The following SEMA3C variants were observed in gnomAD, a reference collection of about 807,000 sequenced individuals.
SEMA3C encodes semaphorin-3C.
Under a neutral mutation model 89.4 loss-of-function variants are expected in SEMA3C, and 47 were observed. That is an observed-to-expected ratio of 0.53 (90% CI 0.42 to 0.67). The LOEUF (loss-of-function observed/expected upper bound fraction) is 0.67. Ranked by LOEUF, SEMA3C falls within the 30% of genes least tolerant of loss-of-function variation. The pLI is 0.00. For synonymous variants in SEMA3C, 310 were observed against 320.2 expected (o/e 0.97, Z 0.34); for missense variants, 839 against 929.1 (o/e 0.90, Z 1.26).
At chr7:80,876,221 CTTATA>C (rs768038729) in intron 2 of SEMA3C, among the ~76,000 whole-genome samples, 1 of 152,010 alleles carries the variant, frequency 6.6e-6, no homozygotes, top group African/African-American at 2.4e-5. Context: ...TTTAGATATT[CTTATA>C]TTATCTGGTT....
chr7:80,771,652 T>G (rs918792234), intron 12 of SEMA3C, among the ~76,000 whole-genome samples: 2 of 152,166 alleles, frequency 1.3e-5, no homozygotes, highest in East Asian at 1.9e-4. Flanking sequence ...AATAGTCATT[T>G]GTATATCTAT....
intron 16 of SEMA3C, among the ~76,000 whole-genome samples, chr7:80,749,338 T>C (rs915598499): frequency 9.2e-5 from 14 of 152,190 alleles, no homozygotes; most frequent in African/African-American, 3.4e-4. Context: ...ATTATTACAA[T>C]ACTCCTGGCC....
chr7:80,920,792 A>T (rs987315206), upstream of SEMA3C, among the ~76,000 whole-genome samples: 1 of 152,248 alleles, frequency 6.6e-6, no homozygotes, highest in South Asian at 2.1e-4. Flanking sequence ...CCAGATGTCA[A>T]TGTGAATAAG....
At chr7:80,855,710 C>T (rs892497565) in intron 2 of SEMA3C, among the ~76,000 whole-genome samples, 1 of 152,106 alleles carries the variant, frequency 6.6e-6, no homozygotes, top group African/African-American at 2.4e-5. Flanking sequence ...GGCTGGATGA[C>T]TCTAGTGGAG....
At chr7:80,794,559 CTA>C (rs1374984468) in intron 11 of SEMA3C, among the ~76,000 whole-genome samples, 1 of 152,144 alleles carries the variant, frequency 6.6e-6, no homozygotes, top group Non-Finnish European at 1.5e-5. Context: ...CCACTACTGA[CTA>C]TGTGGCTCAT....
chr7:80,878,160 C>A (rs1791244645), intron 2 of SEMA3C, among the ~76,000 whole-genome samples: 1 of 152,086 alleles, frequency 6.6e-6, no homozygotes, highest in Non-Finnish European at 1.5e-5. Flanking sequence ...GGCGGATCAC[C>A]TGAGGTCGGG....
intron 6 of SEMA3C, among the ~76,000 whole-genome samples, chr7:80,809,336 C>A (rs1003849862): frequency 6.6e-6 from 1 of 152,010 alleles, no homozygotes; most frequent in Non-Finnish European, 1.5e-5. Context: ...GTTCATCTTT[C>A]CTTTGAAAAA....
At position 80,758,355 on chromosome 7, in the gene SEMA3C, G is replaced by C; in HGVS notation, c.1619C>G (p.Ser540Cys). The change falls in exon 15 of 18, where the codon TCC (serine) becomes TGC (cysteine). Residue 540 changes from serine to cysteine, a missense_variant. Transcript: ENST00000265361. ...CCGTTTCCCAGTTGGGTAGAATCTG[G>C]AACAGGAATGGCCATCCCAGGCGCA... is the stretch of plus-strand genomic sequence containing the variant. Reference protein sequence around the residue: ...PYCAWDGHSCSRFYPTGKRRS... With the variant: ...PYCAWDGHSCCRFYPTGKRRS... 3 of 1,613,732 alleles carry C rather than the reference G, an allele frequency of 1.9e-6. No homozygotes were observed. The highest frequency in any genetic ancestry group is 2.5e-6 in the Non-Finnish European group (3 of 1,179,878).
chr7:80,885,524 T>C (rs1562923405), intron 2 of SEMA3C, among the ~76,000 whole-genome samples: 1 of 152,016 alleles, frequency 6.6e-6, no homozygotes, highest in Admixed American at 6.6e-5. Flanking sequence ...GGCTGAGGTG[T>C]GAGGATCCTT....
chr7:80,851,213 A>C (rs1369495425), intron 2 of SEMA3C, among the ~76,000 whole-genome samples: 2 of 152,174 alleles, frequency 1.3e-5, no homozygotes, highest in Non-Finnish European at 2.9e-5. Context: ...TTTGCCATGT[A>C]AGATGACATT....
intron 8 of SEMA3C, among the ~76,000 whole-genome samples, chr7:80,803,196 C>T (rs1265454139): frequency 1.3e-5 from 2 of 152,072 alleles, no homozygotes; most frequent in African/African-American, 2.4e-5. Context: ...TATCTTTACA[C>T]AAAATGGTCC....
In SEMA3C at chr7:80,836,335, G is replaced by C. The variant is rs185278324; in HGVS notation, c.104-7590C>G. ...ATAAATGGAAGCAAAATGCCAAATG[G>C]ATTAAAGAAGGAATGAGGAAACAAC... On this transcript the variant is annotated intron_variant, in intron 2 of 17. Transcript: ENST00000265361. Among the ~76,000 whole-genome samples, 5 of 152,240 alleles carry C rather than the reference G, an allele frequency of 3.3e-5. No homozygotes were observed. The East Asian group carries it at 9.7e-4, about 29-fold the overall frequency.
chr7:80,886,103 A>G (rs1261284679), intron 2 of SEMA3C, among the ~76,000 whole-genome samples: 2 of 152,222 alleles, frequency 1.3e-5, no homozygotes, highest in Non-Finnish European at 2.9e-5. Flanking sequence ...AAATAGAGAC[A>G]TTGTTAATTA....
intron 12 of SEMA3C, among the ~76,000 whole-genome samples, chr7:80,775,576 T>C (rs58168253): frequency 0.027 from 4,053 of 152,158 alleles, 197 homozygotes; most frequent in African/African-American, 0.092. Flanking sequence ...AAATCTTAAG[T>C]TTGTTTTCTT....
intron 12 of SEMA3C, among the ~76,000 whole-genome samples, chr7:80,786,525 C>T (rs1472231266): frequency 1.3e-5 from 2 of 152,064 alleles, no homozygotes; most frequent in Non-Finnish European, 2.9e-5. Flanking sequence ...AGGTAATATT[C>T]CAAATTAACA....
intron 15 of SEMA3C, among the ~76,000 whole-genome samples, chr7:80,757,819 G>C (rs2117046420): frequency 6.6e-6 from 1 of 151,982 alleles, no homozygotes; most frequent in South Asian, 2.1e-4. Context: ...ATACAAAAAT[G>C]AGCTGGGCAT....
At chr7:80,838,434 C>T (rs1790187412) in intron 2 of SEMA3C, among the ~76,000 whole-genome samples, 1 of 152,038 alleles carries the variant, frequency 6.6e-6, no homozygotes, top group South Asian at 2.1e-4. Flanking sequence ...TAATGTAATC[C>T]TTCATATTAC....
At chr7:80,776,807 A>G (rs1347608772) in intron 12 of SEMA3C, among the ~76,000 whole-genome samples, 1 of 152,176 alleles carries the variant, frequency 6.6e-6, no homozygotes, top group Non-Finnish European at 1.5e-5. Context: ...CATATTGTTC[A>G]TTACCATTTG....
chr7:80,772,049 C>A (rs1343804761), intron 12 of SEMA3C, among the ~76,000 whole-genome samples: 1 of 152,100 alleles, frequency 6.6e-6, no homozygotes, highest in Non-Finnish European at 1.5e-5. Context: ...AGACAACTTG[C>A]TTATTAAAAT....
Sources: gnomAD v4.1 joint callset for allele counts (sites outside exome capture counted in the v4.1 genomes callset) on GRCh38, gnomAD v4.1.1 for gene constraint, MANE v1.5 for transcripts, NCBI Gene and HGNC (gene_info 2026-07-23, HGNC 2026-07-21) for gene names.